The following TOX2 variants were observed in gnomAD, a reference collection of about 807,000 sequenced individuals.
The protein encoded by TOX2 is granulosa cell HMG box 1.
Under a neutral mutation model 47.4 loss-of-function variants are expected in TOX2, and 15 were observed. The observed-to-expected ratio is 0.32, with a 90% CI of 0.21 to 0.49. TOX2 has a LOEUF of 0.49. TOX2 is among the 20% of genes least tolerant of loss of function. The probability of loss-of-function intolerance (pLI) is 0.99; values close to 1 mark genes in which losing one functional copy is unlikely to be tolerated. For missense variants in TOX2, 622 were observed against 673.1 expected (o/e 0.92, Z 0.84); for synonymous variants, 290 against 296.6 (o/e 0.98, Z 0.23).
chr20:44,064,576 A>T lies in TOX2; in HGVS notation c.880-201A>T, dbSNP rs147358646. 3.8e-3 allele frequency among the ~76,000 whole-genome samples: 577 copies of T among 152,326 alleles called. 4 individuals carry two copies. Among genetic ancestry groups the T allele is most frequent in the South Asian group, 0.022 (104 of 4,828 alleles). On this transcript the variant is annotated intron_variant, in intron 5 of 8. Coordinates refer to ENST00000341197, the MANE Select transcript of TOX2 (RefSeq NM_001098797.2). ...CCAAGGCCACACAGTGACTTGGCTG[A>T]GGAACTGGGATATGGCCTGGTCTCC...
rs2071890897 is a variant in TOX2 at position 44,069,034 on chromosome 20, G to A, written c.*348G>A. ...CAGGTGGGCCGCCCCTGGCGGGGTC[G>A]CTTACCAACGGACACCCACCCCAGA... On this transcript the variant is annotated 3_prime_UTR_variant, in exon 9 of 9. Transcript: ENST00000341197. 3 of 432,946 alleles carry A rather than the reference G, an allele frequency of 6.9e-6. No individual in the cohort carries two copies. Among genetic ancestry groups the A allele is most frequent in the Admixed American group, 6.0e-5 (2 of 33,120 alleles). The allele number at this position is 432,946 out of a possible 1,614,324, so 26.8% of individuals were successfully genotyped here. A position where few individuals can be genotyped will look rare whatever the true frequency, so the allele number is the denominator to read the frequency against.
Position 44,054,473 on chromosome 20 carries a change from G to A in TOX2, c.826G>A (p.Val276Met), listed in dbSNP as rs1462680382. The change falls in exon 5 of 9, where the codon GTG becomes ATG. Residue 276 changes from valine (V) to methionine (M), a missense_variant. By Grantham distance (21) the Val-to-Met change is conservative. Coordinates refer to ENST00000341197, the MANE Select transcript of TOX2 (RefSeq NM_001098797.2). ...GQNPSATFGDVSKIVASMWDS... is the reference protein window; with the variant it reads ...GQNPSATFGDMSKIVASMWDS... ...GAACCCCAGTGCCACTTTCGGTGACGTGTCCAAAATCGTGGCCTCCATGTG... is the reference window on the plus strand; with the variant it reads ...GAACCCCAGTGCCACTTTCGGTGACATGTCCAAAATCGTGGCCTCCATGTG... The A allele has an allele frequency of 5.6e-6, 9 of 1,613,980 alleles. No homozygotes were observed. Among genetic ancestry groups the A allele is most frequent in the Admixed American group, 1.7e-5 (1 of 59,968 alleles).
rs113701733 is a variant in TOX2 at position 43,993,846 on chromosome 20, A to G, written c.166-12701A>G. ...TAAAGTATCAAAGAGGCAGTTGGAT[A>G]TGTAGCTATAAAAATGTAATTTGAG... On this transcript the variant is annotated intron_variant, in intron 2 of 8. Transcript: ENST00000341197. 2.8e-3 allele frequency among the ~76,000 whole-genome samples: 423 copies of G among 152,302 alleles called. 1 individual carries two copies. The highest frequency in any genetic ancestry group is 8.3e-3 in the South Asian group (40 of 4,824).
At chr20:43,986,256 A>AATGTATGTATGT (rs11274396) in intron 2 of TOX2, among the ~76,000 whole-genome samples, 16,894 of 149,676 alleles carry the variant, frequency 0.11, 1,659 homozygotes, top group African/African-American at 0.26. Context: ...AGCCTTTTAA[A>AATGTATGTATGT]ATGTATGTAT....
chr20:44,014,942 G>A (rs1413206898), intron 3 of TOX2, among the ~76,000 whole-genome samples: 2 of 152,242 alleles, frequency 1.3e-5, no homozygotes, highest in African/African-American at 2.4e-5. Flanking sequence ...AAAAGCAACA[G>A]CGGAGTGACA....
chr20:44,005,317 T>C (rs987088962), intron 2 of TOX2, among the ~76,000 whole-genome samples: 1 of 152,220 alleles, frequency 6.6e-6, no homozygotes, highest in African/African-American at 2.4e-5. Flanking sequence ...ATTTCCTTTT[T>C]GACCGTCTAT....
At chr20:44,008,039 G>A (rs1420381835) in intron 3 of TOX2, among the ~76,000 whole-genome samples, 1 of 152,152 alleles carries the variant, frequency 6.6e-6, no homozygotes, top group Admixed American at 6.5e-5. Context: ...AATGTAGCAG[G>A]CAGACAAAGG....
intron 1 of TOX2, among the ~76,000 whole-genome samples, chr20:43,931,068 C>T (rs1012436617): frequency 2.0e-5 from 3 of 152,206 alleles, no homozygotes; most frequent in Non-Finnish European, 4.4e-5. Context: ...GCCTTCAGAG[C>T]GACTCTGACT....
chr20:44,066,048 C>G lies in TOX2; in HGVS notation c.1297C>G (p.Pro433Ala), dbSNP rs746285433. Reference sequence around the variant, plus strand: ...CCCAGCCCCCCAGCCCCCTGTCCTGCCCACCCCCATGGCACTCCAGGTGCA... The same window carrying G: ...CCCAGCCCCCCAGCCCCCTGTCCTGGCCACCCCCATGGCACTCCAGGTGCA... ...MSPAPQPPVL[P>A]TPMALQVQLA... Residue 433 changes from proline (P) to alanine (A), a missense_variant, in exon 7 of 9, where the codon CCC becomes GCC. Physicochemically the swap from Pro to Ala is conservative, Grantham distance 27. Transcript: ENST00000341197. 6.3e-7 allele frequency: 1 copy of G among 1,590,530 alleles called. No individual in the cohort carries two copies. Among genetic ancestry groups the G allele is most frequent in the African/African-American group, 1.3e-5 (1 of 74,640 alleles).
chr20:43,944,414 G>A (rs368882619), intron 1 of TOX2, among the ~76,000 whole-genome samples: 5 of 152,226 alleles, frequency 3.3e-5, no homozygotes, highest in African/African-American at 9.6e-5. Flanking sequence ...TTTGAGCAGA[G>A]CTGGAAGGAT....
At chr20:43,952,101 C>T (rs911186522) in intron 1 of TOX2, among the ~76,000 whole-genome samples, 3 of 151,872 alleles carry the variant, frequency 2.0e-5, no homozygotes, top group Admixed American at 2.0e-4. Context: ...TGGGGTTTCA[C>T]CATGTTAGCC....
chr20:43,960,850 C>T (rs1485435654), intron 1 of TOX2, among the ~76,000 whole-genome samples: 2 of 152,190 alleles, frequency 1.3e-5, no homozygotes, highest in Non-Finnish European at 2.9e-5. Context: ...TGGCCTAGCT[C>T]CTGGGCAGAC....
rs187283652 is a variant in TOX2, at chr20:44,035,221, C to T, written c.412-16085C>T. Among the ~76,000 whole-genome samples, 45 of 152,336 alleles carry T rather than the reference C, an allele frequency of 3.0e-4. No homozygotes were observed. The East Asian group carries it at 8.3e-3, about 28-fold the overall frequency. ...TGAACACGTCCTCCCCTGCTGAAAT[C>T]CCTTCGATGGCTCCCCATGGGTCTG... is the stretch of plus-strand genomic sequence containing the variant. On this transcript the variant is annotated intron_variant, in intron 3 of 8. Coordinates refer to ENST00000341197, the MANE Select transcript of TOX2 (RefSeq NM_001098797.2).
chr20:44,027,361 C>T (rs1569110581), intron 3 of TOX2, among the ~76,000 whole-genome samples: 1 of 152,312 alleles, frequency 6.6e-6, no homozygotes, highest in East Asian at 1.9e-4. Context: ...GAGGTCCCAC[C>T]ACCTGCCTGG....
intron 1 of TOX2, among the ~76,000 whole-genome samples, chr20:43,957,567 CTTTTT>C (rs35133028): frequency 3.7e-4 from 39 of 105,796 alleles, no homozygotes; most frequent in African/African-American, 8.5e-4. Context: ...TAAATGCCCT[CTTTTT>C]TTTTTTTTTT....
At chr20:43,928,444 C>T (rs1262736328) in intron 1 of TOX2, among the ~76,000 whole-genome samples, 1 of 152,228 alleles carries the variant, frequency 6.6e-6, no homozygotes, top group Non-Finnish European at 1.5e-5. Context: ...CCTGCAGCTG[C>T]TCTTGTGTTG....
intron 8 of TOX2, 147 bp downstream of exon 8, chr20:44,067,004 A>C: frequency 1.9e-4 from 226 of 1,203,216 alleles, no homozygotes; most frequent in Middle Eastern, 2.9e-4. Context: ...TCGATATCTC[A>C]GATGACACCG....
intron 5 of TOX2, among the ~76,000 whole-genome samples, chr20:44,055,171 C>T (rs781271964): frequency 6.6e-6 from 1 of 152,108 alleles, no homozygotes; most frequent in Non-Finnish European, 1.5e-5. Context: ...GGGTCACCAG[C>T]GTGAATCAAG....
At chr20:44,003,245 G>A (rs895343029) in intron 2 of TOX2, among the ~76,000 whole-genome samples, 5 of 150,786 alleles carry the variant, frequency 3.3e-5, no homozygotes, top group Admixed American at 3.3e-4. Context: ...GGAGTGCAGT[G>A]GCACAATCAC....
Sources: allele counts gnomAD v4.1 joint callset (sites outside exome capture counted in the v4.1 genomes callset), GRCh38; gene constraint gnomAD v4.1.1; transcripts MANE v1.5; gene names NCBI Gene and HGNC (gene_info 2026-07-23, HGNC 2026-07-21).